Variants in LILRA4 observed in about 807,000 individuals in gnomAD.
The protein encoded by LILRA4 is leukocyte immunoglobulin like receptor A4, also known as leukocyte immunoglobulin-like receptor subfamily A member 4.
A neutral mutation model predicts 49.5 loss-of-function variants in LILRA4; 51 were observed. The ratio of observed to expected loss-of-function variants is 1.03; its 90% confidence interval spans 0.82 to 1.30. The LOEUF is 1.30. Ranked by LOEUF, LILRA4 falls within the 50% of genes most tolerant of loss-of-function variation. The pLI is 0.00. For synonymous variants in LILRA4, 272 were observed against 265.6 expected (o/e 1.02, Z -0.23); for missense variants, 624 against 625.6 (o/e 1.00, Z 0.03).
rs2081357737 is a variant in LILRA4 at position 54,338,528 on chromosome 19, G to A, written c.223C>T (p.Leu75=). The A allele has an allele frequency of 1.9e-6, 3 of 1,614,044 alleles. No homozygotes were observed. The highest frequency in any genetic ancestry group is 2.5e-6 in the Non-Finnish European group (3 of 1,180,006). Residue 75 remains leucine, a synonymous_variant, in exon 3 of 8, where the codon CTG becomes TTG. Coordinates refer to ENST00000291759, the MANE Select transcript of LILRA4 (RefSeq NM_012276.5). ...AGTTTGACCTTGTTTTCAGACTCCA[G>A]TGTTTTTAATATGTGCCTCGACATT... ...NSMSRHILKT[L]ESENKVKLSI...
chr19:54,337,529 G>A lies in LILRA4; in HGVS notation c.823C>T (p.Leu275Phe), dbSNP rs779120853. 5 of 1,613,070 alleles carry A rather than the reference G, an allele frequency of 3.1e-6. No homozygotes were observed. The Admixed American group carries it at 6.7e-5, about 22-fold the overall frequency. ...CTCAGGGTGAAGTTGGCCTGGGAGA[G>A]CCCAGCCTGGGGCTGCCGGCCAGGG... ...QRPGRQPQAG[L>F]SQANFTLSPV... The change falls in exon 5 of 8, where the codon CTC becomes TTC. Residue 275 changes from leucine (L) to phenylalanine (F), a missense_variant. By Grantham distance (22) the Leu-to-Phe change is conservative (BLOSUM62 0). Coordinates refer to ENST00000291759, the MANE Select transcript of LILRA4 (RefSeq NM_012276.5).
At chr19:54,334,786 G>A (rs1323423632) in intron 6 of LILRA4, 1 of 143,806 alleles carries the variant, frequency 7.0e-6, no homozygotes, top group Non-Finnish European at 1.5e-5. Flanking sequence ...CTAACACGGT[G>A]AAACCCCATC....
chr19:54,336,315 C>G (rs764165607), intron 6 of LILRA4: 15 of 171,162 alleles, frequency 8.8e-5, no homozygotes, highest in Non-Finnish European at 1.8e-4. Flanking sequence ...AGAGTAACTG[C>G]GCTTTCATCT....
chr19:54,333,239 A>C lies in LILRA4; in HGVS notation c.*333T>G. On this transcript the variant is annotated 3_prime_UTR_variant, in exon 8 of 8. Coordinates refer to ENST00000291759, the MANE Select transcript of LILRA4 (RefSeq NM_012276.5). ...AAGCAAATTCCATGTTATGAGCTGAAGAGATAGTCCCAGTAATACACATTA... is the reference window on the plus strand; with the variant it reads ...AAGCAAATTCCATGTTATGAGCTGACGAGATAGTCCCAGTAATACACATTA... The C allele has an allele frequency of 3.1e-6, 1 of 323,094 alleles. No homozygotes were observed. Among genetic ancestry groups the C allele is most frequent in the Non-Finnish European group, 5.6e-6 (1 of 178,854 alleles). The allele number at this position is 323,094 out of a possible 1,614,324, so 20.0% of individuals were successfully genotyped here. A position where few individuals can be genotyped will look rare whatever the true frequency, so the allele number is the denominator to read the frequency against.
chr19:54,338,990 C>T, intron 1 of LILRA4, 70 bp downstream of exon 1: 1 of 1,610,694 alleles, frequency 6.2e-7, no homozygotes, highest in Admixed American at 1.7e-5. Flanking sequence ...CCCTAATTGA[C>T]TAAGGCATGG....
Position 54,337,579 on chromosome 19 carries a change from T to A in LILRA4, c.773A>T (p.Glu258Val). 2 of 1,613,476 alleles carry A rather than the reference T, an allele frequency of 1.2e-6. No individual in the cohort carries two copies. Among genetic ancestry groups the A allele is most frequent in the Non-Finnish European group, 1.7e-6 (2 of 1,179,890 alleles). Reference sequence around the variant, plus strand: ...GCGCTGGGGGAGGCCATCGGCCCCCTCCTTGTACAGAGTGTATCTGATGTA... The same window carrying A: ...GCGCTGGGGGAGGCCATCGGCCCCCACCTTGTACAGAGTGTATCTGATGTA... ...VGYIRYTLYKEGADGLPQRPG... is the reference protein window; with the variant it reads ...VGYIRYTLYKVGADGLPQRPG... Residue 258 changes from glutamate (E) to valine (V), a missense_variant, in exon 5 of 8, where the codon GAG becomes GTG. Physicochemically the swap from Glu to Val is moderately radical, Grantham distance 121. Coordinates refer to ENST00000291759, the MANE Select transcript of LILRA4 (RefSeq NM_012276.5).
rs773253105 is a variant in LILRA4 at position 54,339,068 on chromosome 19, A to G, written c.26T>C (p.Leu9Pro). Reference protein sequence around the residue: MTLILTSLLFFGLSLGPRT... With the variant: MTLILTSLPFFGLSLGPRT... ...CCCTCTTAAGATCTCACCAAAGAAG[A>G]GCAGGCTTGTGAGAATGAGGGTCAT... Residue 9 changes from leucine (L) to proline (P), a missense_variant, in exon 1 of 8, where the codon CTC (leucine) becomes CCC (proline). Physicochemically the swap from Leu to Pro is moderately conservative, Grantham distance 98. Coordinates refer to ENST00000291759, the MANE Select transcript of LILRA4 (RefSeq NM_012276.5). 31 of 1,614,058 alleles carry G rather than the reference A, an allele frequency of 1.9e-5. No individual in the cohort carries two copies. The Admixed American group carries it at 4.3e-4, about 23-fold the overall frequency.
chr19:54,337,944 A>G lies in LILRA4; in HGVS notation c.647T>C (p.Leu216Pro), dbSNP rs1444275282. The G allele has an allele frequency of 5.6e-6, 9 of 1,609,438 alleles. No individual in the cohort carries two copies. The Admixed American group carries it at 6.7e-5, about 12-fold the overall frequency. ...AGCTACGGCTTCCTCACCTGACACC[A>G]GTAGCTGCAGGGGGTCACTGGGTTC... ...WSEPSDPLQL[L>P]VSGVSRKPSL... The change falls in exon 4 of 8, where the codon CTG (leucine) becomes CCG (proline). Residue 216 changes from leucine to proline, a missense_variant. Transcript: ENST00000291759.
chr19:54,336,804 C>G (rs1438641772), intron 6 of LILRA4, 37 bp downstream of exon 6: 1 of 1,610,300 alleles, frequency 6.2e-7, no homozygotes, highest in East Asian at 2.2e-5. Context: ...TCCAAGAACC[C>G]CTTTGAGCTC....
At chr19:54,335,901 C>G (rs972380645) in intron 6 of LILRA4, 2 of 152,130 alleles carry the variant, frequency 1.3e-5, no homozygotes, top group Non-Finnish European at 2.9e-5. Flanking sequence ...ATATATGTAA[C>G]TACGTATATA....
intron 2 of LILRA4, 69 bp from the exon 3 acceptor site, chr19:54,338,749 AC>A: frequency 2.5e-6 from 4 of 1,586,792 alleles, no homozygotes; most frequent in South Asian, 2.2e-5. Context: ...CAGCCCCAGG[AC>A]CCCCCTCATC....
rs908257599 is a variant in LILRA4 at position 54,338,149 on chromosome 19, C to A, written c.442G>T (p.Gly148Ter). Reference sequence around the variant, plus strand: ...TCAATCAGAGTGAACCTGCCCAGTCCCAGCCGTGAGGCACACCGGAGGGTC... The same window carrying A: ...TCAATCAGAGTGAACCTGCCCAGTCACAGCCGTGAGGCACACCGGAGGGTC... Reference protein sequence around the residue: ...NVTLRCASRLGLGRFTLIEEG... With the variant: ...NVTLRCASRL Residue 148 changes from glycine (G) to a stop codon, truncating the protein, a stop_gained, in exon 4 of 8, where the codon GGA becomes TGA. Transcript: ENST00000291759. LOFTEE classifies it high-confidence loss of function. The A allele has an allele frequency of 6.2e-7, 1 of 1,614,066 alleles. No individual in the cohort carries two copies. The highest frequency in any genetic ancestry group is 2.2e-5 in the East Asian group (1 of 44,870).
At chr19:54,337,808 AT>A in intron 4 of LILRA4, 112 bp from the exon 5 acceptor site, 24 of 1,451,792 alleles carry the variant, frequency 1.7e-5, no homozygotes, top group Non-Finnish European at 2.2e-5. Flanking sequence ...CTCATTCTGT[AT>A]TTGTGTCCCC....
Position 54,337,668 on chromosome 19 carries a change from G to A in LILRA4, c.684C>T (p.Thr228=), listed in dbSNP as rs751752599. 12 of 1,612,776 alleles carry A rather than the reference G, an allele frequency of 7.4e-6. No homozygotes were observed. The highest frequency in any genetic ancestry group is 2.7e-5 in the African/African-American group (2 of 74,862). The change falls in exon 5 of 8, where the codon ACC becomes ACT. Residue 228 remains threonine, a synonymous_variant. Coordinates refer to ENST00000291759, the MANE Select transcript of LILRA4 (RefSeq NM_012276.5). Reference sequence around the variant, plus strand: ...CGGGGGTCACGACAGGGCCCTGCAGGGTCAGGAGGGAGGGCTTCCTAGACA... The same window carrying A: ...CGGGGGTCACGACAGGGCCCTGCAGAGTCAGGAGGGAGGGCTTCCTAGACA... ...SGVSRKPSLL[T]LQGPVVTPGE... is the part of the protein sequence containing the mutation.
At chr19:54,337,248 G>C (rs2081334905) in intron 5 of LILRA4, 105 bp from the exon 6 acceptor site, 1 of 1,406,898 alleles carries the variant, frequency 7.1e-7, no homozygotes, top group African/African-American at 1.4e-5. Flanking sequence ...TGTTTTCTCT[G>C]AGTCTCCCCC....
At position 54,338,651 on chromosome 19, in the gene LILRA4, C is replaced by T. The variant is rs560878491; in HGVS notation, c.100G>A (p.Glu34Lys). ...ENLLKPILWA[E>K]PGPVITWHNP... ...TGCCAGGTGATCACGGGACCTGGCT[C>T]GGCCCACAGGATGGGTTTGAGTAGG... The change falls in exon 3 of 8, where the codon GAG becomes AAG. Residue 34 changes from glutamate (E) to lysine (K), a missense_variant. Physicochemically the swap from Glu to Lys is moderately conservative, Grantham distance 56. Coordinates refer to ENST00000291759, the MANE Select transcript of LILRA4 (RefSeq NM_012276.5). 254 of 1,613,224 alleles carry T rather than the reference C, an allele frequency of 1.6e-4. 1 individual carries two copies. The South Asian group carries it at 2.5e-3, about 16-fold the overall frequency.
Position 54,338,406 on chromosome 19 carries a change from C to G in LILRA4, c.345G>C (p.Leu115=). The G allele has an allele frequency of 6.2e-7, 1 of 1,613,962 alleles. No homozygotes were observed. The highest frequency in any genetic ancestry group is 8.5e-7 in the Non-Finnish European group (1 of 1,179,972). The part of the protein sequence containing the change: ...GWSEPSDPLE[L]VVTAYSRPTL... ...TGAGTGTCCTCTCACCTGTCACCAC[C>G]AGCTCCAGGGGGTCGCTGGGCTCTG... Residue 115 remains leucine, a synonymous_variant, in exon 3 of 8, where the codon CTG becomes CTC. Transcript: ENST00000291759.
At position 54,333,906 on chromosome 19, in the gene LILRA4, C is replaced by T. The variant is rs1156907397; in HGVS notation, c.1306+9G>A. On this transcript the variant is annotated intron_variant, in intron 7 of 7. Transcript: ENST00000291759. The stretch of plus-strand genomic sequence containing the variant: ...CCAGCCCCATAACTGGGAGAATCTC[C>T]TCACTCACCAGTCTTGGAATCTGAC... 1.2e-6 allele frequency: 2 copies of T among 1,613,672 alleles called. No individual in the cohort carries two copies. Among genetic ancestry groups the T allele is most frequent in the East Asian group, 2.2e-5 (1 of 44,882 alleles).
rs759029664 is a variant in LILRA4, at chr19:54,333,589, G to T, written c.1483C>A (p.Pro495Thr). ...KDNAPFRVVE[P>T]WEQI ...TCAGATCATCAGATCTGTTCCCAAG[G>T]CTCCACCACTCTGAAGGGTGCATTG... The change falls in exon 8 of 8, where the codon CCT becomes ACT. Residue 495 changes from proline to threonine, a missense_variant. By Grantham distance (38) the Pro-to-Thr change is conservative (BLOSUM62 -1). Coordinates refer to ENST00000291759, the MANE Select transcript of LILRA4 (RefSeq NM_012276.5). 3 of 1,614,038 alleles carry T rather than the reference G, an allele frequency of 1.9e-6. No individual in the cohort carries two copies. Among genetic ancestry groups the T allele is most frequent in the African/African-American group, 1.3e-5 (1 of 74,986 alleles).
Sources: allele counts gnomAD v4.1 joint callset, GRCh38; gene constraint gnomAD v4.1.1; transcripts MANE v1.5; gene names NCBI Gene and HGNC (gene_info 2026-07-23, HGNC 2026-07-21).